PRAG1: variants seen among roughly 807,000 people sequenced by gnomAD.
PRAG1 encodes the protein inactive tyrosine-protein kinase PRAG1.
A neutral mutation model predicts 95.6 loss-of-function variants in PRAG1; 110 were observed. That is an observed-to-expected ratio of 1.15 (90% confidence interval 0.99 to 1.35). The LOEUF is 1.35. Ranked by LOEUF, PRAG1 falls within the 40% of genes most tolerant of loss-of-function variation. PRAG1 has a pLI of 0.00. For synonymous variants in PRAG1, 1,052 were observed against 819.4 expected, an observed-to-expected ratio of 1.28 and a Z score of -4.85; for missense variants, 2,554 against 1,864.7, an observed-to-expected ratio of 1.37 and a Z score of -6.81.
Position 8,377,840 on chromosome 8 carries a change from T to C in PRAG1, c.569A>G (p.Lys190Arg), listed in dbSNP as rs754053900. The C allele has an allele frequency of 1.9e-6, 3 of 1,614,094 alleles. No homozygotes were observed. The highest frequency in any genetic ancestry group is 1.1e-5 in the South Asian group (1 of 91,082). ...TTGGTAAGGAAATGAGGGTTTTTCT[T>C]TGTGCACAGCCTTCTCCTCCGGGAA... ...VSFPEEKAVHKEKPSFPYQDR... is the reference protein window; with the variant it reads ...VSFPEEKAVHREKPSFPYQDR... The change falls in exon 3 of 6, where the codon AAA becomes AGA. Residue 190 changes from lysine (K) to arginine (R), a missense_variant. By Grantham distance (26) the Lys-to-Arg change is conservative (BLOSUM62 2). Coordinates refer to ENST00000615670, the MANE Select transcript of PRAG1 (RefSeq NM_001080826.3).
At chr8:8,331,172 C>T (rs1031543493) in intron 4 of PRAG1, among the ~76,000 whole-genome samples, 9 of 152,204 alleles carry the variant, frequency 5.9e-5, no homozygotes, top group African/African-American at 2.2e-4. Context: ...GATTCCTTCC[C>T]ATCCCAAGTC....
At chr8:8,385,328 A>C (rs1173572691) in intron 1 of PRAG1, among the ~76,000 whole-genome samples, 2 of 152,132 alleles carry the variant, frequency 1.3e-5, no homozygotes, top group Non-Finnish European at 2.9e-5. Context: ...AAATTACGAT[A>C]TTCACCCAAC....
chr8:8,378,332 T>C (rs1289289907), intron 2 of PRAG1, among the ~76,000 whole-genome samples: 1 of 152,162 alleles, frequency 6.6e-6, no homozygotes, highest in Non-Finnish European at 1.5e-5. Context: ...TGGACTGTAA[T>C]GCTTTTGGCT....
intron 1 of PRAG1, among the ~76,000 whole-genome samples, chr8:8,385,599 C>G (rs1800820218): frequency 6.6e-6 from 1 of 152,218 alleles, no homozygotes; most frequent in Non-Finnish European, 1.5e-5. Context: ...CTCCTCGCCC[C>G]TAGACCATTG....
Position 8,327,909 on chromosome 8 carries a change from A to G in PRAG1, c.2873T>C (p.Leu958Pro), listed in dbSNP as rs1352919210. The G allele has an allele frequency of 6.2e-7, 1 of 1,614,010 alleles. No homozygotes were observed. Among genetic ancestry groups the G allele is most frequent in the Non-Finnish European group, 8.5e-7 (1 of 1,179,988 alleles). Residue 958 changes from leucine to proline, a missense_variant, in exon 5 of 6, where the codon CTC (leucine) becomes CCC (proline). Leu to Pro is a moderately conservative substitution (Grantham distance 98). Transcript: ENST00000615670. The part of the protein sequence containing the change: ...KEGTYAKLGG[L>P]YTQSLARLVA... ...AAGGCGGGCCAGGGACTGGGTGTAG[A>G]GTCCCCCCAGCTTGGCATAGGTGCC...
intron 4 of PRAG1, 112 bp from the exon 5 acceptor site, chr8:8,328,573 TTA>T (rs1585222825): frequency 8.6e-7 from 1 of 1,162,510 alleles, no homozygotes; most frequent in East Asian, 2.6e-5. Context: ...GCAATTAATT[TTA>T]TGTTACTTCT....
chr8:8,355,487 G>C (rs557777569), intron 3 of PRAG1, among the ~76,000 whole-genome samples: 24 of 152,174 alleles, frequency 1.6e-4, no homozygotes, highest in Non-Finnish European at 2.6e-4. Context: ...AAAAAGGAAA[G>C]ATGAATTTGG....
chr8:8,351,675 G>T (rs4840932), intron 3 of PRAG1, among the ~76,000 whole-genome samples: 109,407 of 152,070 alleles, frequency 0.72, 40,549 homozygotes, highest in East Asian at 0.9. Context: ...GATCCAGGAG[G>T]TGACATATTC....
Position 8,381,850 on chromosome 8 carries a change from A to C in PRAG1, c.-87-16T>G. 1 of 888,334 alleles carries C rather than the reference A, an allele frequency of 1.1e-6. No individual in the cohort carries two copies. Among genetic ancestry groups the C allele is most frequent in the East Asian group, 2.7e-5 (1 of 37,172 alleles). The allele number at this position is 888,334 out of a possible 1,614,324, so 55.0% of individuals were successfully genotyped here. On this transcript the variant is annotated splice_polypyrimidine_tract_variant and intron_variant, in intron 1 of 5. Transcript: ENST00000615670. ...GAGCGGCTTCCTAGAAAGGCAGGAC[A>C]GTTTCCTGATTAGAGATTTGCCATG...
intron 3 of PRAG1, among the ~76,000 whole-genome samples, chr8:8,358,324 C>G (rs1172715509): frequency 6.6e-6 from 1 of 152,206 alleles, no homozygotes; most frequent in African/African-American, 2.4e-5. Flanking sequence ...CCCAGAGGTT[C>G]TGCTATTCAG....
chr8:8,376,488 C>G lies in PRAG1; in HGVS notation c.1921G>C (p.Glu641Gln). Residue 641 changes from glutamate to glutamine, a missense_variant, in exon 3 of 6, where the codon GAA (glutamate) becomes CAA (glutamine). Transcript: ENST00000615670. ...AATTCCTGCTCCACCTCCTCTTCTT[C>G]CTCTATCCGGCACTGACGACTCCAG... is the stretch of plus-strand genomic sequence containing the variant. ...GTWSRQCRIE[E>Q]EEEVEQELLS... is the part of the protein sequence containing the mutation. 2 of 1,613,600 alleles carry G rather than the reference C, an allele frequency of 1.2e-6. No individual in the cohort carries two copies. Among genetic ancestry groups the G allele is most frequent in the Non-Finnish European group, 1.7e-6 (2 of 1,179,706 alleles).
intron 3 of PRAG1, among the ~76,000 whole-genome samples, chr8:8,343,161 T>C (rs1799226481): frequency 6.6e-6 from 1 of 152,210 alleles, no homozygotes; most frequent in South Asian, 2.1e-4. Context: ...ATTAAAATTA[T>C]GAATGATCAG....
chr8:8,366,602 C>T (rs1800016049), intron 3 of PRAG1, among the ~76,000 whole-genome samples: 1 of 152,122 alleles, frequency 6.6e-6, no homozygotes, highest in Non-Finnish European at 1.5e-5. Flanking sequence ...ATGTAAGCCA[C>T]TGAGCCCAGC....
At chr8:8,379,807 G>C (rs1585282743) in intron 2 of PRAG1, among the ~76,000 whole-genome samples, 1 of 152,236 alleles carries the variant, frequency 6.6e-6, no homozygotes, top group East Asian at 1.9e-4. Flanking sequence ...GTTACCTGTG[G>C]AATGAGCAGA....
chr8:8,347,890 C>G (rs1263032391), intron 3 of PRAG1, among the ~76,000 whole-genome samples: 1 of 137,542 alleles, frequency 7.3e-6, no homozygotes, highest in Non-Finnish European at 1.5e-5. Context: ...GATCTCAGCT[C>G]ACTACAACCT....
chr8:8,337,673 A>G (rs1037092409), intron 4 of PRAG1, among the ~76,000 whole-genome samples: 25 of 152,180 alleles, frequency 1.6e-4, no homozygotes, highest in Non-Finnish European at 2.9e-5. Context: ...ATGCATTTCT[A>G]CTGAACAACT....
At position 8,378,077 on chromosome 8, in the gene PRAG1, A is replaced by AC; in HGVS notation, c.331dup (p.Val111GlyfsTer40). ...CTTGCCAGGGGCTCGTCTCCAGATG[A>AC]CCTACACACAAGCCCAACGCAAAAA... On this transcript the variant is annotated frameshift_variant and splice_region_variant, in exon 3 of 6. Transcript: ENST00000615670. LOFTEE classifies it high-confidence loss of function. 6.6e-7 allele frequency: 1 copy of AC among 1,524,886 alleles called. No individual in the cohort carries two copies. The highest frequency in any genetic ancestry group is 8.8e-7 in the Non-Finnish European group (1 of 1,139,772). 94.5% of individuals were successfully genotyped at this position (1,524,886 alleles called of 1,614,324 possible). A position where few individuals can be genotyped will look rare whatever the true frequency, so the allele number is the denominator to read the frequency against.
intron 3 of PRAG1, among the ~76,000 whole-genome samples, chr8:8,363,531 G>A (rs1220401902): frequency 6.6e-6 from 1 of 152,164 alleles, no homozygotes; most frequent in African/African-American, 2.4e-5. Context: ...TTCAGAGACA[G>A]AAAGTAATGG....
Position 8,373,398 on chromosome 8 carries a change from A to C in PRAG1, c.2162+2849T>G, listed in dbSNP as rs1335587936. ...GAAAATATATTCTAGTTTATTTTGA[A>C]TAAAATAAGATGCTCTTGTTTTTCT... is the stretch of plus-strand genomic sequence containing the variant. On this transcript the variant is annotated intron_variant, in intron 3 of 5. Transcript: ENST00000615670. Among the ~76,000 whole-genome samples the C allele has an allele frequency of 2.0e-5, 3 of 151,960 alleles. No homozygotes were observed. The East Asian group carries it at 5.8e-4, about 29-fold the overall frequency.
Sources: allele counts gnomAD v4.1 joint callset (sites outside exome capture counted in the v4.1 genomes callset), GRCh38; gene constraint gnomAD v4.1.1; transcripts MANE v1.5; gene names NCBI Gene and HGNC (gene_info 2026-07-23, HGNC 2026-07-21).